The following ABRAXAS2 variants were observed in gnomAD, a reference collection of about 807,000 sequenced individuals.
ABRAXAS2 encodes the protein abraxas 2, BRISC complex subunit.
In ABRAXAS2, 23 loss-of-function variants were observed where a neutral mutation model predicts 49.0. The ratio of observed to expected loss-of-function variants is 0.47; its 90% CI spans 0.34 to 0.66. ABRAXAS2 has a LOEUF of 0.66. Among genes scored for constraint, ABRAXAS2 ranks in the 30% least tolerant of loss-of-function variants. ABRAXAS2 has a pLI of 0.01. For synonymous variants in ABRAXAS2, 168 were observed against 180.2 expected (o/e 0.93, Z 0.54); for missense variants, 443 against 511.9 (o/e 0.87, Z 1.30).
intron 1 of ABRAXAS2, among the ~76,000 whole-genome samples, chr10:124,804,499 T>C (rs1950727156): frequency 6.6e-6 from 1 of 152,206 alleles, no homozygotes; most frequent in Non-Finnish European, 1.5e-5. Flanking sequence ...AATTATTTTT[T>C]CACTTTGATT....
In ABRAXAS2 at chr10:124,804,719, T is replaced by C. The variant is rs529149222; in HGVS notation, c.73-2112T>C. Among the ~76,000 whole-genome samples, 373 of 145,412 alleles carry C rather than the reference T, an allele frequency of 2.6e-3. 2 individuals are homozygous for C. The highest frequency in any genetic ancestry group is 9.1e-3 in the African/African-American group (352 of 38,486). ...TATATATATTTCTTTTTTTCTTTCT[T>C]TTTTTTTTTTTTGAGACAGAGTCTT... On this transcript the variant is annotated intron_variant, in intron 1 of 8. Coordinates refer to ENST00000298492, the MANE Select transcript of ABRAXAS2 (RefSeq NM_032182.4).
At chr10:124,824,286 A>T (rs1184300296) in intron 4 of ABRAXAS2, among the ~76,000 whole-genome samples, 1 of 152,212 alleles carries the variant, frequency 6.6e-6, no homozygotes, top group Non-Finnish European at 1.5e-5. Flanking sequence ...CTGTAATGCC[A>T]GCACTTTGGG....
chr10:124,834,468 A>G (rs1326575310), intron 8 of ABRAXAS2, 34 bp from the exon 9 acceptor site: 5 of 1,557,186 alleles, frequency 3.2e-6, no homozygotes, highest in Non-Finnish European at 4.4e-6. Context: ...GTGAGAATCT[A>G]GAAAGTGTTA....
intron 3 of ABRAXAS2, among the ~76,000 whole-genome samples, chr10:124,818,424 C>T (rs1950839258): frequency 6.6e-6 from 1 of 150,642 alleles, no homozygotes; most frequent in Admixed American, 6.6e-5. Flanking sequence ...AAAGATTAGA[C>T]TCAGTTATTA....
chr10:124,828,984 A>G, intron 6 of ABRAXAS2, 109 bp downstream of exon 6: 1 of 1,065,816 alleles, frequency 9.4e-7, no homozygotes, highest in Non-Finnish European at 1.4e-6. Flanking sequence ...TGATATGATT[A>G]AAATTGAAGA....
At chr10:124,808,626 G>T (rs371010851) in intron 2 of ABRAXAS2, among the ~76,000 whole-genome samples, 1 of 152,142 alleles carries the variant, frequency 6.6e-6, no homozygotes, top group Non-Finnish European at 1.5e-5. Flanking sequence ...AATTCTATAA[G>T]AAAGTAACAG....
At chr10:124,805,306 A>G (rs1358345482) in intron 1 of ABRAXAS2, among the ~76,000 whole-genome samples, 1 of 150,892 alleles carries the variant, frequency 6.6e-6, no homozygotes, top group Non-Finnish European at 1.5e-5. Context: ...TGCAGTCCGC[A>G]GTCCGGCCTG....
chr10:124,805,842 A>C (rs1950738858), intron 1 of ABRAXAS2, among the ~76,000 whole-genome samples: 1 of 152,302 alleles, frequency 6.6e-6, no homozygotes, highest in Non-Finnish European at 1.5e-5. Flanking sequence ...TTCTCAGTTC[A>C]ACCCTCTGTA....
intron 3 of ABRAXAS2, among the ~76,000 whole-genome samples, chr10:124,819,119 C>T (rs1040999473): frequency 3.9e-5 from 6 of 152,158 alleles, no homozygotes; most frequent in African/African-American, 1.4e-4. Flanking sequence ...TTTGAAACCC[C>T]ACATTTTATA....
rs1950913413 is a variant in ABRAXAS2, at chr10:124,828,860, T to A, written c.563T>A (p.Val188Glu). 1 of 1,613,342 alleles carries A rather than the reference T, an allele frequency of 6.2e-7. No homozygotes were observed. The highest frequency in any genetic ancestry group is 1.1e-5 in the South Asian group (1 of 90,994). Residue 188 changes from valine to glutamate, a missense_variant, in exon 6 of 9, where the codon GTG becomes GAG. Transcript: ENST00000298492. ...VPNTSQSYAK[V>E]IKEHGTDFFD... ...AATACTTCTCAGAGTTATGCCAAAGTGATTAAAGAACATGGGTAAGTTGAA... is the reference window on the plus strand; with the variant it reads ...AATACTTCTCAGAGTTATGCCAAAGAGATTAAAGAACATGGGTAAGTTGAA...
At chr10:124,808,841 T>C (rs995578053) in intron 2 of ABRAXAS2, among the ~76,000 whole-genome samples, 5 of 152,134 alleles carry the variant, frequency 3.3e-5, no homozygotes, top group Non-Finnish European at 5.9e-5. Context: ...TTTGAAATAC[T>C]GTTGGCTAGC....
Position 124,803,834 on chromosome 10 carries a change from A to C in ABRAXAS2, c.72+1933A>C, listed in dbSNP as rs371936793. On this transcript the variant is annotated intron_variant, in intron 1 of 8. Coordinates refer to ENST00000298492, the MANE Select transcript of ABRAXAS2 (RefSeq NM_032182.4). Reference sequence around the variant, plus strand: ...GAAAATCGCTTGAACCCGGGAGGCAAAGGTTGTGGTGAGTCGAGATCGCGC... The same window carrying C: ...GAAAATCGCTTGAACCCGGGAGGCACAGGTTGTGGTGAGTCGAGATCGCGC... Among the ~76,000 whole-genome samples, 76 of 152,232 alleles carry C rather than the reference A, an allele frequency of 5.0e-4. 1 individual carries two copies. The highest frequency in any genetic ancestry group is 3.4e-3 in the Middle Eastern group (1 of 294).
At position 124,826,668 on chromosome 10, in the gene ABRAXAS2, A is replaced by G. The variant is rs1950897810; in HGVS notation, c.341A>G (p.Lys114Arg). The G allele has an allele frequency of 1.9e-6, 3 of 1,614,202 alleles. No individual in the cohort carries two copies. The highest frequency in any genetic ancestry group is 1.7e-6 in the Non-Finnish European group (2 of 1,180,036). Residue 114 changes from lysine to arginine, a missense_variant, in exon 5 of 9, where the codon AAG (lysine) becomes AGG (arginine). Lys to Arg is a conservative substitution (Grantham distance 26). Transcript: ENST00000298492. ...TCCTACAGAGAGCAGGTTCTTCACA[A>G]GCAGCTCACCCGCATCCTCGGCGTG... ...QMSYREQVLH[K>R]QLTRILGVPD...
chr10:124,830,707 AG>A (rs1291608135), intron 7 of ABRAXAS2, among the ~76,000 whole-genome samples: 1 of 152,242 alleles, frequency 6.6e-6, no homozygotes, highest in Admixed American at 6.5e-5. Context: ...AGTGGAAAAT[AG>A]CTTTTTGTCC....
At chr10:124,806,603 G>C (rs1051526102) in intron 1 of ABRAXAS2, among the ~76,000 whole-genome samples, 2 of 152,128 alleles carry the variant, frequency 1.3e-5, no homozygotes, top group Admixed American at 6.6e-5. Context: ...GGAGTTGAAG[G>C]GATTAAAATA....
At chr10:124,821,037 C>T (rs984995599) in intron 4 of ABRAXAS2, among the ~76,000 whole-genome samples, 2 of 151,870 alleles carry the variant, frequency 1.3e-5, no homozygotes, top group African/African-American at 4.8e-5. Context: ...CCTCAGCCCC[C>T]CAAGTAGCTG....
chr10:124,835,054 G>T lies in ABRAXAS2; in HGVS notation c.*83G>T. The T allele has an allele frequency of 1.8e-6, 2 of 1,082,228 alleles. No individual in the cohort carries two copies. The highest frequency in any genetic ancestry group is 5.0e-5 in the East Asian group (2 of 39,836). The allele number at this position is 1,082,228 out of a possible 1,614,324, so 67.0% of individuals were successfully genotyped here. On this transcript the variant is annotated 3_prime_UTR_variant, in exon 9 of 9. Coordinates refer to ENST00000298492, the MANE Select transcript of ABRAXAS2 (RefSeq NM_032182.4). ...TTTTTGAGAACTTAATCTGGGGGGA[G>T]AACTGCTTTCTCAGATACCTTAACT...
At chr10:124,832,484 T>C (rs978190834) in intron 8 of ABRAXAS2, among the ~76,000 whole-genome samples, 1 of 152,222 alleles carries the variant, frequency 6.6e-6, no homozygotes, top group African/African-American at 2.4e-5. Flanking sequence ...CCAGTTAAAA[T>C]GTAATTTATG....
At chr10:124,831,136 G>C (rs1950929637) in intron 7 of ABRAXAS2, among the ~76,000 whole-genome samples, 1 of 152,114 alleles carries the variant, frequency 6.6e-6, no homozygotes, top group Non-Finnish European at 1.5e-5. Context: ...GAATTTATAA[G>C]CTAAATAGCA....
Sources: allele counts gnomAD v4.1 joint callset (sites outside exome capture counted in the v4.1 genomes callset), GRCh38; gene constraint gnomAD v4.1.1; transcripts MANE v1.5; gene names NCBI Gene and HGNC (gene_info 2026-07-23, HGNC 2026-07-21).